Variants in TERT observed in about 807,000 individuals in gnomAD.
TERT encodes telomerase catalytic subunit.
Under a neutral mutation model 104.0 loss-of-function variants are expected in TERT, and 42 were observed. That is an observed-to-expected ratio of 0.40 (90% CI 0.32 to 0.52). The LOEUF is 0.52. Among genes scored for constraint, TERT ranks in the 20% least tolerant of loss-of-function variants. TERT has a pLI of 0.43. For synonymous variants in TERT, 781 were observed against 725.6 expected, an observed-to-expected ratio of 1.08 and a Z score of -1.23; for missense variants, 1,101 against 1,610.3, an observed-to-expected ratio of 0.68 and a Z score of 5.41.
At chr5:1,260,357 C>A in intron 12 of TERT, 117 bp downstream of exon 12, 1 of 1,531,844 alleles carries the variant, frequency 6.5e-7, no homozygotes, top group Non-Finnish European at 8.9e-7. Context: ...TACATGTGCA[C>A]TCTTACGTGC....
chr5:1,256,903 G>A lies in TERT; in HGVS notation c.3033-1492C>T, dbSNP rs1457023886. ...TGGAGGCGCGGCCAGCACGGGCCAGGAAGGCCGAGCCCCAGCGGATTTGAA... is the reference window on the plus strand; with the variant it reads ...TGGAGGCGCGGCCAGCACGGGCCAGAAAGGCCGAGCCCCAGCGGATTTGAA... On this transcript the variant is annotated intron_variant, in intron 13 of 15. Coordinates refer to ENST00000310581, the MANE Select transcript of TERT (RefSeq NM_198253.3). The surrounding 1 kb of genome is among the most constrained non-coding windows in gnomAD (Gnocchi z 7.0). Among the ~76,000 whole-genome samples the A allele has an allele frequency of 6.6e-6, 1 of 152,122 alleles. No homozygotes were observed. Among genetic ancestry groups the A allele is most frequent in the Non-Finnish European group, 1.5e-5 (1 of 68,010 alleles).
At position 1,294,798 on chromosome 5, in the gene TERT, C is replaced by G. The variant is rs930445607; in HGVS notation, c.192G>C (p.Pro64=). ...GGCGGAAGGAGGGGGCGGCGGGGGG[C>G]GGCCGTGCGTCCCAGGGCACGCACA... The part of the protein sequence containing the change: ...CLVCVPWDAR[P]PPAAPSFRQV... The change falls in exon 1 of 16, where the codon CCG becomes CCC. Residue 64 remains proline (P), a synonymous_variant. Transcript: ENST00000310581. The G allele has an allele frequency of 2.6e-6, 4 of 1,523,748 alleles. No homozygotes were observed. In the East Asian group the frequency reaches 7.5e-5, roughly 29 times the overall value. 94.4% of individuals were successfully genotyped at this position (1,523,748 alleles called of 1,614,324 possible).
In TERT at chr5:1,268,496, C is replaced by T. The variant is rs1248124442; in HGVS notation, c.2582+24G>A. The T allele has an allele frequency of 6.3e-7, 1 of 1,594,076 alleles. No homozygotes were observed. ...AAGCAAATCAACCCCCACCCAAGCC[C>T]CCCTGGGGAAGAGGAGGCCTCACCC... is the stretch of plus-strand genomic sequence containing the variant. On this transcript the variant is annotated intron_variant, in intron 9 of 15. Transcript: ENST00000310581. The surrounding 1 kb of genome is among the most constrained non-coding windows in gnomAD (Gnocchi z 5.5).
chr5:1,281,989 G>C (rs1420807133), intron 3 of TERT, among the ~76,000 whole-genome samples: 1 of 152,106 alleles, frequency 6.6e-6, no homozygotes, highest in Non-Finnish European at 1.5e-5. Context: ...TTAGGAGGCT[G>C]AGGCTGGTGA....
Position 1,268,686 on chromosome 5 carries a change from G to T in TERT, c.2469-53C>A. On this transcript the variant is annotated intron_variant, in intron 8 of 15. Coordinates refer to ENST00000310581, the MANE Select transcript of TERT (RefSeq NM_198253.3). The surrounding 1 kb of genome is among the most constrained non-coding windows in gnomAD (Gnocchi z 5.5). ...CGGGCAGGGCATGTGCTGGACATGC[G>T]TACACTCAAACCGAGCCACACACAG... is the stretch of plus-strand genomic sequence containing the variant. 7.8e-7 allele frequency: 1 copy of T among 1,287,396 alleles called. No homozygotes were observed. The highest frequency in any genetic ancestry group is 1.1e-6 in the Non-Finnish European group (1 of 887,690). 79.7% of individuals were successfully genotyped at this position (1,287,396 alleles called of 1,614,324 possible).
chr5:1,277,694 T>G (rs906378994), intron 6 of TERT, among the ~76,000 whole-genome samples: 1 of 151,590 alleles, frequency 6.6e-6, no homozygotes, highest in Non-Finnish European at 1.5e-5. Flanking sequence ...CTCTAGTGAC[T>G]TTCTACACCT....
chr5:1,266,364 G>C, intron 10 of TERT, 100 bp downstream of exon 10: 1 of 1,076,594 alleles, frequency 9.3e-7, no homozygotes, highest in Non-Finnish European at 1.4e-6. Context: ...AGAGGACTTG[G>C]CAGAGACAAC....
intron 6 of TERT, among the ~76,000 whole-genome samples, chr5:1,277,274 C>A (rs1258045485): frequency 1.3e-5 from 2 of 152,228 alleles, no homozygotes; most frequent in African/African-American, 4.8e-5. Flanking sequence ...GACCCAGCAA[C>A]CCCACCCCTG....
rs746630679 is a variant in TERT, at chr5:1,255,424, C to T, written c.3033-13G>A. On this transcript the variant is annotated splice_polypyrimidine_tract_variant and intron_variant, in intron 13 of 15. Transcript: ENST00000310581. The surrounding 1 kb of genome is among the most constrained non-coding windows in gnomAD (Gnocchi z 6.9). ...ACATGCGTGAAACCTGAGAGGATGGCGGACAGCGTCAGAGGAAAGGCCTCC... is the reference window on the plus strand; with the variant it reads ...ACATGCGTGAAACCTGAGAGGATGGTGGACAGCGTCAGAGGAAAGGCCTCC... The T allele has an allele frequency of 7.4e-6, 12 of 1,613,596 alleles. No homozygotes were observed. The East Asian group carries it at 1.1e-4, about 15-fold the overall frequency.
chr5:1,278,570 G>A (rs373746338), intron 6 of TERT, 71 bp downstream of exon 6: 41 of 1,601,612 alleles, frequency 2.6e-5, no homozygotes, highest in South Asian at 1.2e-4. Flanking sequence ...TCACAGACAC[G>A]ACTGCATTCT....
At chr5:1,285,544 T>C (rs1315998791) in intron 2 of TERT, among the ~76,000 whole-genome samples, 1 of 150,636 alleles carries the variant, frequency 6.6e-6, no homozygotes, top group East Asian at 2.0e-4. Flanking sequence ...TCTTTTTTAC[T>C]TTTTTAATGT....
Position 1,270,809 on chromosome 5 carries a change from G to T in TERT, c.2468+310C>A, listed in dbSNP as rs545851414. Among the ~76,000 whole-genome samples the T allele has an allele frequency of 6.6e-6, 1 of 152,242 alleles. No individual in the cohort carries two copies. Among genetic ancestry groups the T allele is most frequent in the Admixed American group, 6.5e-5 (1 of 15,288 alleles). ...GAGCTGACAAGCTGCAGGCTCAAAC[G>T]CTCGGCGCACACCTGACCCAGACAC... On this transcript the variant is annotated intron_variant, in intron 8 of 15. Transcript: ENST00000310581. This position sits in a 1 kb window ranked among gnomAD's most constrained non-coding sequence, Gnocchi z 8.3.
Position 1,260,499 on chromosome 5 carries a change from C to T in TERT, c.2945G>A (p.Cys982Tyr), listed in dbSNP as rs1554038806. The T allele has an allele frequency of 5.6e-6, 9 of 1,614,208 alleles. No individual in the cohort carries two copies. Among genetic ancestry groups the T allele is most frequent in the Non-Finnish European group, 6.8e-6 (8 of 1,180,022 alleles). ...RKLFGVLRLK[C>Y]HSLFLDLQVN... ...CTGCAAATCCAGAAACAGGCTGTGA[C>T]ACTTCAGCCGCAAGACCCCAAAGAG... The change falls in exon 12 of 16, where the codon TGT becomes TAT. Residue 982 changes from cysteine to tyrosine, a missense_variant. By Grantham distance (194) the Cys-to-Tyr change is radical. Transcript: ENST00000310581.
At position 1,269,603 on chromosome 5, in the gene TERT, G is replaced by A. The variant is rs1335618101; in HGVS notation, c.2469-970C>T. On this transcript the variant is annotated intron_variant, in intron 8 of 15. Transcript: ENST00000310581. The surrounding 1 kb of genome is among the most constrained non-coding windows in gnomAD (Gnocchi z 9.0). ...TCAAGCCCAGGCAGACAACAGTGAC[G>A]TTCCGTCTCAAAAAAAAAAAAAGAA... Among the ~76,000 whole-genome samples, 4 of 148,970 alleles carry A rather than the reference G, an allele frequency of 2.7e-5. No homozygotes were observed. Among genetic ancestry groups the A allele is most frequent in the African/African-American group, 5.0e-5 (2 of 39,938 alleles).
rs148582238 is a variant in TERT at position 1,280,176 on chromosome 5, C to T, written c.1932G>A (p.Thr644=). 108 of 1,614,108 alleles carry T rather than the reference C, an allele frequency of 6.7e-5. 1 individual carries two copies. In the African/African-American group the frequency reaches 9.5e-4, roughly 14 times the overall value. ...CAGCCACCCTCTTTTCTCTGCGGAA[C>T]GTTCTGGCTCCCACGACGTAGTCCA... ...VNMDYVVGAR[T]FRREKRAERL... is the part of the protein sequence containing the mutation. The change falls in exon 4 of 16, where the codon ACG becomes ACA. Residue 644 remains threonine (T), a synonymous_variant. Coordinates refer to ENST00000310581, the MANE Select transcript of TERT (RefSeq NM_198253.3).
chr5:1,278,610 C>T, intron 6 of TERT, 31 bp downstream of exon 6: 4 of 1,613,842 alleles, frequency 2.5e-6, no homozygotes, highest in Non-Finnish European at 2.5e-6. Context: ...AGACACACAT[C>T]CTGGACACGA....
chr5:1,294,332 C>A lies in TERT; in HGVS notation c.554G>T (p.Arg185Leu), dbSNP rs749187042. 1.9e-6 allele frequency: 3 copies of A among 1,581,468 alleles called. No individual in the cohort carries two copies. The change falls in exon 2 of 16, where the codon CGG becomes CTG. Residue 185 changes from arginine to leucine, a missense_variant. This residue lies in a region of TERT where 504 missense variants were observed against 544.6 expected (regional missense o/e 0.93). Transcript: ENST00000310581. The stretch of plus-strand genomic sequence containing the variant: ...GGGTCCACTAGCGTGTGGCGGGGGC[C>A]GGGCCTGAGTGGCAGCGCCGAGCTG... Reference protein sequence around the residue: ...LYQLGAATQARPPPHASGPRR... With the variant: ...LYQLGAATQALPPPHASGPRR...
intron 5 of TERT, 77 bp from the exon 6 acceptor site, chr5:1,278,873 C>T: frequency 1.9e-6 from 3 of 1,591,492 alleles, no homozygotes; most frequent in Non-Finnish European, 2.6e-6. Flanking sequence ...AGGGCCTGGC[C>T]TGGCGGTGTC....
rs1284218021 is a variant in TERT, at chr5:1,257,972, T to A, written c.3032+626A>T. 6.6e-6 allele frequency among the ~76,000 whole-genome samples: 1 copy of A among 152,206 alleles called. No homozygotes were observed. Among genetic ancestry groups the A allele is most frequent in the Non-Finnish European group, 1.5e-5 (1 of 68,030 alleles). On this transcript the variant is annotated intron_variant, in intron 13 of 15. Transcript: ENST00000310581. This position sits in a 1 kb window ranked among gnomAD's most constrained non-coding sequence, Gnocchi z 5.6. The stretch of plus-strand genomic sequence containing the variant: ...CCGAGGCTTGTGCCACCACCTGCCC[T>A]GACTCCAGGCAGAAGCTGGCCCTGT...
Sources: allele counts gnomAD v4.1 joint callset (sites outside exome capture counted in the v4.1 genomes callset), GRCh38; gene constraint gnomAD v4.1.1; regional missense constraint gnomAD v4.1.1; non-coding constraint Gnocchi (gnomAD v3.1); transcripts MANE v1.5; gene names NCBI Gene and HGNC (gene_info 2026-07-23, HGNC 2026-07-21).